The following RBFOX1 variants were observed in gnomAD, a reference collection of about 807,000 sequenced individuals.
RBFOX1 encodes the protein RNA binding protein fox-1 homolog 1.
RBFOX1 carries 8 observed loss-of-function variants against 57.7 expected under a neutral mutation model. The observed-to-expected ratio is 0.14, with a 90% CI of 0.08 to 0.25. The LOEUF is 0.25. Among genes scored for constraint, RBFOX1 ranks in the 10% least tolerant of loss-of-function variants. The pLI is 1.00. For missense variants in RBFOX1, 611 were observed against 548.5 expected (o/e 1.11, Z -1.14); for synonymous variants, 326 against 222.4 (o/e 1.47, Z -4.15).
At position 5,250,244 on chromosome 16, in the gene RBFOX1, C is replaced by T. The variant is rs2062416368; in HGVS notation, c.219+10139C>T. Among the ~76,000 whole-genome samples the T allele has an allele frequency of 2.0e-5, 3 of 151,934 alleles. 1 individual carries two copies. The South Asian group carries it at 6.2e-4, about 32-fold the overall frequency. Reference sequence around the variant, plus strand: ...TAACACTGGGGAGGGTTGGGGTATACCTTTCCACATCTTTTTCTTTTCTTT... The same window carrying T: ...TAACACTGGGGAGGGTTGGGGTATATCTTTCCACATCTTTTTCTTTTCTTT... On this transcript the variant is annotated intron_variant, in intron 1 of 2. Transcript: ENST00000585867.
chr16:6,807,128 C>T (rs2087039964), intron 3 of RBFOX1, among the ~76,000 whole-genome samples: 2 of 151,686 alleles, frequency 1.3e-5, no homozygotes, highest in African/African-American at 2.4e-5. Flanking sequence ...GCCACCGTGC[C>T]CAGCCTCTTT....
At chr16:7,233,061 A>G (rs1162757824) in intron 4 of RBFOX1, among the ~76,000 whole-genome samples, 3 of 152,004 alleles carry the variant, frequency 2.0e-5, no homozygotes, top group Non-Finnish European at 4.4e-5. Flanking sequence ...CTTGCTCTTG[A>G]TGTTCCCAAC....
intron 4 of RBFOX1, among the ~76,000 whole-genome samples, chr16:5,931,297 T>C (rs570750750): frequency 1.3e-5 from 2 of 152,280 alleles, no homozygotes; most frequent in South Asian, 2.1e-4. Context: ...GTCATTTAAC[T>C]ATTCTCATAC....
At chr16:7,689,957 G>C (rs771834881) in intron 14 of RBFOX1, among the ~76,000 whole-genome samples, 2 of 152,040 alleles carry the variant, frequency 1.3e-5, no homozygotes, top group Admixed American at 1.3e-4. Context: ...TAAGTAGCTA[G>C]GTTGCCCTGG....
At chr16:6,296,705 C>G (rs1174493186) in intron 1 of RBFOX1, among the ~76,000 whole-genome samples, 1 of 152,180 alleles carries the variant, frequency 6.6e-6, no homozygotes, top group Non-Finnish European at 1.5e-5. Flanking sequence ...CAGACGTGAG[C>G]CACCGTACCC....
At chr16:7,310,989 C>G (rs962068400) in intron 4 of RBFOX1, among the ~76,000 whole-genome samples, 1 of 152,230 alleles carries the variant, frequency 6.6e-6, no homozygotes, top group African/African-American at 2.4e-5. Context: ...CCTGGGAATC[C>G]TCTGCCGTGT....
intron 3 of RBFOX1, among the ~76,000 whole-genome samples, chr16:6,755,722 C>G (rs1439009611): frequency 6.6e-6 from 1 of 152,134 alleles, no homozygotes; most frequent in East Asian, 1.9e-4. Flanking sequence ...TATGATTTCC[C>G]TGTTATTCAA....
Position 7,134,271 on chromosome 16 carries a change from C to T in RBFOX1, c.27+82173C>T, listed in dbSNP as rs906318997. 1.3e-5 allele frequency among the ~76,000 whole-genome samples: 2 copies of T among 152,050 alleles called. 1 individual carries two copies. Among genetic ancestry groups the T allele is most frequent in the Middle Eastern group, 6.4e-3 (2 of 314 alleles). ...GCTAATAATTTGTTGTGAGGATGTT[C>T]TCTGGGGATATGACATTTTGCTGTG... is the stretch of plus-strand genomic sequence containing the variant. On this transcript the variant is annotated intron_variant, in intron 4 of 15. Transcript: ENST00000550418.
chr16:5,354,084 C>T (rs897990922), intron 1 of RBFOX1, among the ~76,000 whole-genome samples: 2 of 151,186 alleles, frequency 1.3e-5, no homozygotes, highest in African/African-American at 4.8e-5. Flanking sequence ...TCTCCACCGG[C>T]CCCTTACCTG....
At chr16:5,784,780 C>T (rs2054443497) in intron 3 of RBFOX1, among the ~76,000 whole-genome samples, 1 of 152,132 alleles carries the variant, frequency 6.6e-6, no homozygotes. Flanking sequence ...AGAGAGCTGC[C>T]TTGGTTTTTC....
chr16:7,498,164 G>T (rs555458186), intron 4 of RBFOX1, among the ~76,000 whole-genome samples: 3 of 152,168 alleles, frequency 2.0e-5, no homozygotes, highest in Non-Finnish European at 2.9e-5. Context: ...CAAAGGTGGC[G>T]TGTGGGGTGG....
At position 6,246,755 on chromosome 16, in the gene RBFOX1, C is replaced by T. The variant is rs552306143; in HGVS notation, c.-126-70240C>T. Among the ~76,000 whole-genome samples the T allele has an allele frequency of 1.6e-4, 24 of 152,304 alleles. 1 individual carries two copies. Among genetic ancestry groups the T allele is most frequent in the Admixed American group, 1.5e-3 (23 of 15,298 alleles). ...GTCCAGGCTGGTGCTGCCGCGGTCT[C>T]TATCTTGTTTCCTAAACTCCAGTCC... On this transcript the variant is annotated intron_variant, in intron 1 of 15. Coordinates refer to ENST00000550418, the MANE Select transcript of RBFOX1 (RefSeq NM_018723.4).
At chr16:6,847,621 G>A (rs1366254929) in intron 3 of RBFOX1, among the ~76,000 whole-genome samples, 1 of 152,112 alleles carries the variant, frequency 6.6e-6, no homozygotes, top group Non-Finnish European at 1.5e-5. Context: ...GGGACGTGAA[G>A]AATGGAAGAA....
chr16:5,266,152 G>A (rs1186941114), intron 1 of RBFOX1, among the ~76,000 whole-genome samples: 1 of 152,116 alleles, frequency 6.6e-6, no homozygotes, highest in African/African-American at 2.4e-5. Context: ...GCACGAAAGA[G>A]CAGATACTGT....
chr16:6,581,499 C>G (rs923253857), intron 2 of RBFOX1, among the ~76,000 whole-genome samples: 38 of 152,278 alleles, frequency 2.5e-4, no homozygotes, highest in African/African-American at 9.1e-4. Context: ...GACCTCTACC[C>G]TGGGCTCTGA....
intron 2 of RBFOX1, among the ~76,000 whole-genome samples, chr16:6,576,667 G>GA (rs398028650): frequency 1.3e-5 from 2 of 151,870 alleles, no homozygotes; most frequent in Non-Finnish European, 2.9e-5. Flanking sequence ...GGTGAGGGAG[G>GA]TGGTGACTGA....
intron 11 of RBFOX1, among the ~76,000 whole-genome samples, chr16:7,636,440 G>T (rs1407346164): frequency 6.6e-6 from 1 of 152,128 alleles, no homozygotes; most frequent in African/African-American, 2.4e-5. Flanking sequence ...CAGTTCACAC[G>T]TGAGTGACAC....
intron 1 of RBFOX1, among the ~76,000 whole-genome samples, chr16:5,417,960 A>G (rs533068433): frequency 6.6e-6 from 1 of 152,272 alleles, no homozygotes; most frequent in South Asian, 2.1e-4. Flanking sequence ...GTACGCCTGT[A>G]ATCCCAGCTG....
intron 1 of RBFOX1, among the ~76,000 whole-genome samples, chr16:5,318,022 G>C (rs1185682522): frequency 2.0e-5 from 3 of 152,182 alleles, no homozygotes; most frequent in Non-Finnish European, 4.4e-5. Context: ...GGTGCAGGAA[G>C]GGAGCTGTGG....
Sources: allele counts gnomAD v4.1 joint callset (sites outside exome capture counted in the v4.1 genomes callset), GRCh38; gene constraint gnomAD v4.1.1; transcripts MANE v1.5; gene names NCBI Gene and HGNC (gene_info 2026-07-23, HGNC 2026-07-21).